NXPH1: variants seen among roughly 807,000 people sequenced by gnomAD.
The protein encoded by NXPH1 is neurexophilin 1.
In NXPH1, 5 loss-of-function variants were observed where a neutral mutation model predicts 23.7. The observed-to-expected ratio is 0.21, with a 90% CI of 0.11 to 0.44. NXPH1 has a LOEUF of 0.44. Ranked by LOEUF, NXPH1 falls within the 20% of genes least tolerant of loss-of-function variation. NXPH1 has a pLI of 0.99. For synonymous variants in NXPH1, 144 were observed against 122.2 expected, an observed-to-expected ratio of 1.18 and a Z score of -1.18; for missense variants, 324 against 321.6, an observed-to-expected ratio of 1.01 and a Z score of -0.06.
chr7:8,539,729 T>A (rs113766534), intron 2 of NXPH1, among the ~76,000 whole-genome samples: 1 of 151,756 alleles, frequency 6.6e-6, no homozygotes, highest in Non-Finnish European at 1.5e-5. Flanking sequence ...ACCAGACACA[T>A]GTCCACAAAC....
intron 2 of NXPH1, among the ~76,000 whole-genome samples, chr7:8,723,630 T>TA (rs1780003745): frequency 6.6e-6 from 1 of 152,194 alleles, no homozygotes; most frequent in Admixed American, 6.5e-5. Context: ...ATTACAGAAT[T>TA]ACACAAAACC....
intron 2 of NXPH1, among the ~76,000 whole-genome samples, chr7:8,526,501 AG>A (rs1342099168): frequency 1.3e-5 from 2 of 152,152 alleles, no homozygotes; most frequent in Non-Finnish European, 2.9e-5. Context: ...TGGAGAGGCC[AG>A]GGGTGGAATG....
chr7:8,645,611 T>C (rs1172306024), intron 2 of NXPH1, among the ~76,000 whole-genome samples: 1 of 80,944 alleles, frequency 1.2e-5, no homozygotes. Context: ...ATTATCTCTT[T>C]TTACTTCTTC....
chr7:8,684,821 G>T (rs1366896953), intron 2 of NXPH1, among the ~76,000 whole-genome samples: 1 of 152,064 alleles, frequency 6.6e-6, no homozygotes, highest in Non-Finnish European at 1.5e-5. Context: ...TTGTCCCATT[G>T]GTCATATTTA....
At chr7:8,549,035 A>T (rs1818237580) in intron 2 of NXPH1, among the ~76,000 whole-genome samples, 2 of 151,536 alleles carry the variant, frequency 1.3e-5, no homozygotes, top group South Asian at 4.1e-4. Context: ...TTTGTTTAAT[A>T]ATTGAAAGAT....
chr7:8,514,391 G>A (rs147652867), intron 2 of NXPH1, among the ~76,000 whole-genome samples: 1 of 152,138 alleles, frequency 6.6e-6, no homozygotes, highest in African/African-American at 2.4e-5. Flanking sequence ...GATTCAGAGA[G>A]GTTCAGTGAC....
intron 2 of NXPH1, among the ~76,000 whole-genome samples, chr7:8,603,262 T>C (rs1229177057): frequency 1.3e-5 from 2 of 152,216 alleles, no homozygotes; most frequent in Non-Finnish European, 1.5e-5. Flanking sequence ...GGAAGTAAGC[T>C]TATTACTCTG....
At chr7:8,716,555 T>C (rs1779881794) in intron 2 of NXPH1, among the ~76,000 whole-genome samples, 1 of 152,214 alleles carries the variant, frequency 6.6e-6, no homozygotes, top group South Asian at 2.1e-4. Flanking sequence ...ACCTCTGCAT[T>C]ACCAAAGGGC....
chr7:8,686,957 G>A (rs1216256845), intron 2 of NXPH1, among the ~76,000 whole-genome samples: 1 of 152,050 alleles, frequency 6.6e-6, no homozygotes, highest in Non-Finnish European at 1.5e-5. Context: ...ATGAAAAAAA[G>A]CAGGCAAGAA....
chr7:8,728,930 G>C (rs1382148870), intron 2 of NXPH1, among the ~76,000 whole-genome samples: 1 of 148,958 alleles, frequency 6.7e-6, no homozygotes, highest in African/African-American at 2.5e-5. Flanking sequence ...GTTCCTCCTT[G>C]TACCTCTGGT....
chr7:8,532,078 A>G (rs1817956966), intron 2 of NXPH1, among the ~76,000 whole-genome samples: 1 of 152,188 alleles, frequency 6.6e-6, no homozygotes, highest in Admixed American at 6.5e-5. Context: ...ATTAACAGCC[A>G]TAAAAGTCAA....
At chr7:8,611,740 T>C (rs1819626977) in intron 2 of NXPH1, among the ~76,000 whole-genome samples, 1 of 152,084 alleles carries the variant, frequency 6.6e-6, no homozygotes, top group Admixed American at 6.6e-5. Flanking sequence ...TTGCATAAAG[T>C]TCATGGTAAA....
intron 2 of NXPH1, among the ~76,000 whole-genome samples, chr7:8,498,890 G>A (rs922549693): frequency 2.0e-5 from 3 of 152,074 alleles, no homozygotes; most frequent in Non-Finnish European, 2.9e-5. Flanking sequence ...TAATGCATGA[G>A]TGTGGGTGGC....
intron 2 of NXPH1, among the ~76,000 whole-genome samples, chr7:8,444,888 CCTCTT>C (rs1816373360): frequency 6.6e-6 from 1 of 152,178 alleles, no homozygotes; most frequent in Non-Finnish European, 1.5e-5. Context: ...TACTATCTGT[CCTCTT>C]CTCTTGGATT....
rs113730062 is a variant in NXPH1 at position 8,657,920 on chromosome 7, C to T, written c.55-93088C>T. On this transcript the variant is annotated intron_variant, in intron 2 of 2. Coordinates refer to ENST00000405863, the MANE Select transcript of NXPH1 (RefSeq NM_152745.3). ...GCACGCACCTGTAATCCCAGCTACT[C>T]GGGGGGCTGAAGTAGCATAATTGCT... is the stretch of plus-strand genomic sequence containing the variant. Among the ~76,000 whole-genome samples, 973 of 152,180 alleles carry T rather than the reference C, an allele frequency of 6.4e-3. 8 individuals carry two copies. Among genetic ancestry groups the T allele is most frequent in the African/African-American group, 0.022 (929 of 41,526 alleles).
intron 2 of NXPH1, among the ~76,000 whole-genome samples, chr7:8,547,800 C>T (rs1165983781): frequency 1.3e-5 from 2 of 151,450 alleles, no homozygotes; most frequent in Admixed American, 6.6e-5. Context: ...TGACCTCCAC[C>T]TCCATCCATG....
intron 2 of NXPH1, among the ~76,000 whole-genome samples, chr7:8,750,232 A>G (rs1194008769): frequency 2.0e-5 from 3 of 152,218 alleles, no homozygotes; most frequent in Non-Finnish European, 4.4e-5. Flanking sequence ...TCTTTGCAAG[A>G]CTAACTTTTC....
At position 8,455,243 on chromosome 7, in the gene NXPH1, G is replaced by A. The variant is rs542230518; in HGVS notation, c.54+19476G>A. 2.8e-4 allele frequency among the ~76,000 whole-genome samples: 43 copies of A among 152,184 alleles called. No homozygotes were observed. In the South Asian group the frequency reaches 8.3e-3, roughly 29 times the overall value. ...ATTAAAGCTGTGTTTGCAGAATTGT[G>A]GCATACGGCTAAAAAGAAAATAAAT... is the stretch of plus-strand genomic sequence containing the variant. On this transcript the variant is annotated intron_variant, in intron 2 of 2. Transcript: ENST00000405863.
intron 2 of NXPH1, among the ~76,000 whole-genome samples, chr7:8,546,039 C>T (rs1178520345): frequency 2.0e-5 from 3 of 151,418 alleles, no homozygotes; most frequent in Non-Finnish European, 4.4e-5. Context: ...TCTTTTGATG[C>T]CAGCTAATTA....
Sources: allele counts gnomAD v4.1 joint callset (sites outside exome capture counted in the v4.1 genomes callset), GRCh38; gene constraint gnomAD v4.1.1; transcripts MANE v1.5; gene names NCBI Gene and HGNC (gene_info 2026-07-23, HGNC 2026-07-21).